The following ADGRL2 variants were observed in gnomAD, a reference collection of about 807,000 sequenced individuals.
ADGRL2 encodes the protein calcium-independent alpha-latrotoxin receptor 2.
In ADGRL2, 44 loss-of-function variants were observed where a neutral mutation model predicts 157.4. The ratio of observed to expected loss-of-function variants is 0.28; its 90% CI spans 0.22 to 0.36. ADGRL2 has a LOEUF of 0.36. ADGRL2 is among the 10% of genes least tolerant of loss of function. The pLI, the probability that ADGRL2 is intolerant of heterozygous loss-of-function variation, is 1.00. For missense variants in ADGRL2, 1,510 were observed against 1,768.9 expected (o/e 0.85, Z 2.63); for synonymous variants, 585 against 624.7 (o/e 0.94, Z 0.95).
intron 1 of ADGRL2, among the ~76,000 whole-genome samples, chr1:81,814,838 G>C (rs762612103): frequency 1.3e-5 from 2 of 151,528 alleles, no homozygotes; most frequent in Non-Finnish European, 3.0e-5. Context: ...CTGTGCTAAA[G>C]AGAAATGTTA....
At chr1:81,361,054 T>C (rs2075969873) in intron 1 of ADGRL2, among the ~76,000 whole-genome samples, 1 of 151,866 alleles carries the variant, frequency 6.6e-6, no homozygotes, top group East Asian at 1.9e-4. Flanking sequence ...TGTTGGGCAA[T>C]GTTAGTTGCA....
chr1:81,355,161 G>A (rs1195354260), intron 1 of ADGRL2, among the ~76,000 whole-genome samples: 2 of 152,116 alleles, frequency 1.3e-5, no homozygotes, highest in South Asian at 2.1e-4. Flanking sequence ...CTCCAGCCTG[G>A]CCAAAATGGT....
chr1:81,707,045 G>C (rs76957773), intron 1 of ADGRL2, among the ~76,000 whole-genome samples: 2,220 of 152,240 alleles, frequency 0.015, 60 homozygotes, highest in African/African-American at 0.051. Flanking sequence ...CAAAGGGTGA[G>C]GAAAGTAGTA....
intron 1 of ADGRL2, among the ~76,000 whole-genome samples, chr1:81,708,343 G>T (rs1418761508): frequency 6.6e-6 from 1 of 152,078 alleles, no homozygotes; most frequent in Admixed American, 6.5e-5. Flanking sequence ...GCATTTGTCA[G>T]GGTTATTTCC....
chr1:81,773,955 C>T (rs1205226564), intron 2 of ADGRL2, among the ~76,000 whole-genome samples: 2 of 152,222 alleles, frequency 1.3e-5, no homozygotes, highest in African/African-American at 2.4e-5. Flanking sequence ...GATTAGGACA[C>T]GGACACACAC....
intron 2 of ADGRL2, among the ~76,000 whole-genome samples, chr1:81,522,133 T>G (rs1373810928): frequency 6.6e-6 from 1 of 151,880 alleles, no homozygotes; most frequent in African/African-American, 2.4e-5. Context: ...CCCAGCTAAT[T>G]TTTGTATTTG....
At chr1:81,678,095 A>G (rs1300635701) in intron 3 of ADGRL2, among the ~76,000 whole-genome samples, 2 of 152,210 alleles carry the variant, frequency 1.3e-5, no homozygotes, top group African/African-American at 4.8e-5. Flanking sequence ...TTCTCAGAGC[A>G]CATAGGAAGA....
intron 2 of ADGRL2, among the ~76,000 whole-genome samples, chr1:81,537,803 G>T (rs2079781317): frequency 6.6e-6 from 1 of 150,670 alleles, no homozygotes; most frequent in African/African-American, 2.4e-5. Flanking sequence ...AGGTTCAAGT[G>T]ATTCTCCTGC....
chr1:81,908,448 G>A (rs568479279), intron 3 of ADGRL2, among the ~76,000 whole-genome samples: 1 of 152,184 alleles, frequency 6.6e-6, no homozygotes, highest in African/African-American at 2.4e-5. Context: ...TTTTTAGAAT[G>A]GAATAATATT....
chr1:81,830,480 T>A (rs886626923), intron 1 of ADGRL2, among the ~76,000 whole-genome samples: 1 of 152,174 alleles, frequency 6.6e-6, no homozygotes, highest in Non-Finnish European at 1.5e-5. Flanking sequence ...TGTGTATTCT[T>A]TATAGTTAAT....
intron 2 of ADGRL2, among the ~76,000 whole-genome samples, chr1:81,561,193 T>C (rs1412738159): frequency 6.6e-6 from 1 of 151,976 alleles, no homozygotes; most frequent in African/African-American, 2.4e-5. Flanking sequence ...CTAACACATA[T>C]ATTCATTATG....
chr1:81,860,221 TCAAAACAAAA>T (rs541397160), intron 2 of ADGRL2, among the ~76,000 whole-genome samples: 4 of 152,152 alleles, frequency 2.6e-5, no homozygotes, highest in East Asian at 1.9e-4. Flanking sequence ...AGACTTCGTC[TCAAAACAAAA>T]CAAAACAAAA....
chr1:81,679,321 A>G (rs991526226), intron 3 of ADGRL2, among the ~76,000 whole-genome samples: 8 of 152,132 alleles, frequency 5.3e-5, no homozygotes, highest in African/African-American at 1.7e-4. Context: ...CCAAAGGAAT[A>G]AAGAGGGAAG....
intron 2 of ADGRL2, among the ~76,000 whole-genome samples, chr1:81,789,701 C>CAAAA (rs34269882): frequency 2.7e-4 from 24 of 88,452 alleles, no homozygotes; most frequent in Non-Finnish European, 3.9e-4. Context: ...GTCTCCGTCT[C>CAAAA]AAAAAAAAAA....
chr1:81,379,981 T>A (rs2076316128), intron 1 of ADGRL2, among the ~76,000 whole-genome samples: 1 of 152,188 alleles, frequency 6.6e-6, no homozygotes, highest in African/African-American at 2.4e-5. Flanking sequence ...CTCTTCTGTA[T>A]CATTTAAACG....
At chr1:81,881,521 C>G (rs1156863768) in intron 2 of ADGRL2, among the ~76,000 whole-genome samples, 1 of 152,130 alleles carries the variant, frequency 6.6e-6, no homozygotes. Context: ...ATTGTTTAAT[C>G]AAAAGTTGTT....
chr1:81,941,334 T>A (rs1244595534), intron 4 of ADGRL2, among the ~76,000 whole-genome samples: 1 of 151,544 alleles, frequency 6.6e-6, no homozygotes, highest in East Asian at 1.9e-4. Context: ...CTCTTCAAAA[T>A]CACTACTGGT....
chr1:81,604,969 A>C (rs2081404419), intron 3 of ADGRL2, among the ~76,000 whole-genome samples: 1 of 152,230 alleles, frequency 6.6e-6, no homozygotes, highest in Non-Finnish European at 1.5e-5. Context: ...TAGATGTCAA[A>C]GCACTTACAC....
At chr1:81,478,814 T>C (rs1242948267) in intron 2 of ADGRL2, among the ~76,000 whole-genome samples, 1 of 152,154 alleles carries the variant, frequency 6.6e-6, no homozygotes, top group Non-Finnish European at 1.5e-5. Context: ...ATGAGAAAAA[T>C]ACTGGCATCT....
Sources: gnomAD v4.1 joint callset for allele counts (sites outside exome capture counted in the v4.1 genomes callset) on GRCh38, gnomAD v4.1.1 for gene constraint, MANE v1.5 for transcripts, NCBI Gene and HGNC (gene_info 2026-07-23, HGNC 2026-07-21) for gene names.